Variants in NFAT5 observed in about 807,000 individuals in gnomAD.
NFAT5 encodes the protein nuclear factor of activated T cells 5, also known as nuclear factor of activated T-cells 5.
NFAT5 carries 31 observed loss-of-function variants against 166.5 expected under a neutral mutation model. The observed-to-expected ratio is 0.19, with a 90% CI of 0.14 to 0.25. The LOEUF (loss-of-function observed/expected upper bound fraction) is 0.25. Ranked by LOEUF, NFAT5 falls within the 10% of genes least tolerant of loss-of-function variation. The pLI is 1.00. For synonymous variants in NFAT5, 612 were observed against 639.7 expected, an observed-to-expected ratio of 0.96 and a Z score of 0.65; for missense variants, 1,449 against 1,821.8, an observed-to-expected ratio of 0.80 and a Z score of 3.72.
At chr16:69,589,137 G>A (rs1396586790) in intron 2 of NFAT5, among the ~76,000 whole-genome samples, 1 of 152,020 alleles carries the variant, frequency 6.6e-6, no homozygotes, top group Non-Finnish European at 1.5e-5. Context: ...TGGGATTACA[G>A]GCATGTGCCA....
rs2037584159 is a variant in NFAT5 at position 69,692,434 on chromosome 16, C to T, written c.2609C>T (p.Thr870Ile). The change falls in exon 13 of 15, where the codon ACA becomes ATA. Residue 870 changes from threonine (T) to isoleucine (I), a missense_variant. By Grantham distance (89) the Thr-to-Ile change is moderately conservative. Coordinates refer to ENST00000349945, the MANE Select transcript of NFAT5 (RefSeq NM_138713.4). ...GGAATGTTTTCCTCAACAGAGCCAA[C>T]AGTCCATACCAGACCAGATAATTTA... Reference protein sequence around the residue: ...SPGMFSSTEPTVHTRPDNLLP... With the variant: ...SPGMFSSTEPIVHTRPDNLLP... The T allele has an allele frequency of 6.8e-6, 11 of 1,614,222 alleles. No individual in the cohort carries two copies. Among genetic ancestry groups the T allele is most frequent in the Non-Finnish European group, 8.5e-6 (10 of 1,180,046 alleles).
At chr16:69,666,838 C>T (rs1219861112) in intron 7 of NFAT5, among the ~76,000 whole-genome samples, 7 of 151,876 alleles carry the variant, frequency 4.6e-5, no homozygotes, top group Non-Finnish European at 1.0e-4. Flanking sequence ...ACCCAAAGGA[C>T]TATAAATCAT....
At chr16:69,570,259 T>C (rs996161787) in intron 2 of NFAT5, among the ~76,000 whole-genome samples, 5 of 152,200 alleles carry the variant, frequency 3.3e-5, no homozygotes, top group African/African-American at 4.8e-5. Context: ...AATTCTGTCA[T>C]GCCCTTTAAA....
At chr16:69,660,046 T>C in intron 7 of NFAT5, 147 bp downstream of exon 7, 1 of 654,740 alleles carries the variant, frequency 1.5e-6, no homozygotes, top group Non-Finnish European at 2.5e-6. Flanking sequence ...AGTAGTCAGA[T>C]TTTCTAGACC....
chr16:69,680,967 C>T (rs936107264), intron 10 of NFAT5, among the ~76,000 whole-genome samples: 11 of 152,120 alleles, frequency 7.2e-5, no homozygotes, highest in Non-Finnish European at 2.9e-5. Flanking sequence ...ACCATGTTGG[C>T]CAGGCTGGTC....
At chr16:69,659,581 A>T in intron 6 of NFAT5, 146 bp from the exon 7 acceptor site, 1 of 509,704 alleles carries the variant, frequency 2.0e-6, no homozygotes, top group Non-Finnish European at 3.3e-6. Context: ...ACCCTTTTGT[A>T]CTTTTTGAAC....
intron 11 of NFAT5, chr16:69,685,186 A>AT (rs1217300003): frequency 0.017 from 1,570 of 93,758 alleles, 32 homozygotes; most frequent in African/African-American, 0.064. Context: ...ATATATATAT[A>AT]TATATTTTTT....
At chr16:69,601,201 C>G (rs975097608) in intron 2 of NFAT5, among the ~76,000 whole-genome samples, 11 of 151,836 alleles carry the variant, frequency 7.2e-5, no homozygotes, top group Non-Finnish European at 1.6e-4. Context: ...TAGATATGAC[C>G]ACTGTTAATA....
At chr16:69,569,520 TGGG>T (rs754459551) in intron 2 of NFAT5, among the ~76,000 whole-genome samples, 2 of 152,030 alleles carry the variant, frequency 1.3e-5, no homozygotes, top group Admixed American at 6.6e-5. Context: ...TCCGGGATAG[TGGG>T]GGGCAAGTGG....
chr16:69,600,196 G>A (rs527361700), intron 2 of NFAT5, among the ~76,000 whole-genome samples: 12 of 151,422 alleles, frequency 7.9e-5, no homozygotes, highest in Non-Finnish European at 1.6e-4. Flanking sequence ...GAGAGGAGTA[G>A]ACTAAAGAGA....
At chr16:69,625,872 A>T (rs931428599) in intron 2 of NFAT5, among the ~76,000 whole-genome samples, 44 of 152,118 alleles carry the variant, frequency 2.9e-4, no homozygotes, top group African/African-American at 1.1e-3. Context: ...AACATAAGGA[A>T]TAAAGCCAAG....
At chr16:69,663,691 A>C (rs1351101059) in intron 7 of NFAT5, among the ~76,000 whole-genome samples, 1 of 151,922 alleles carries the variant, frequency 6.6e-6, no homozygotes, top group Admixed American at 6.6e-5. Flanking sequence ...ACAACATAGC[A>C]AGAGTCCATC....
In NFAT5 at chr16:69,695,443, G is replaced by A. The variant is rs55706725; in HGVS notation, c.*8+64G>A. The A allele has an allele frequency of 3.0e-3, 3,443 of 1,152,172 alleles. 17 individuals carry two copies. The highest frequency in any genetic ancestry group is 3.9e-3 in the Non-Finnish European group (3,068 of 778,290). 71.4% of individuals were successfully genotyped at this position (1,152,172 alleles called of 1,614,324 possible). A position where few individuals can be genotyped will look rare whatever the true frequency, so the allele number is the denominator to read the frequency against. On this transcript the variant is annotated intron_variant, in intron 14 of 14. Transcript: ENST00000349945. ...GATTTTATTCTTCTTAACAGATTTA[G>A]GTTAAGTAATAGTAGTTCTAATCTT...
At position 69,585,030 on chromosome 16, in the gene NFAT5, G is replaced by A. The variant is rs34295772; in HGVS notation, c.127+16482G>A. On this transcript the variant is annotated intron_variant, in intron 2 of 14. Coordinates refer to ENST00000349945, the MANE Select transcript of NFAT5 (RefSeq NM_138713.4). ...TTTTTATTTTTTGAGGTGGAGTCTC[G>A]CTCTGTCGCCATGCTGGAGTGCAGT... Among the ~76,000 whole-genome samples the A allele has an allele frequency of 2.3e-3, 342 of 151,950 alleles. 1 individual carries two copies. Among genetic ancestry groups the A allele is most frequent in the Non-Finnish European group, 4.0e-3 (273 of 67,966 alleles).
intron 1 of NFAT5, among the ~76,000 whole-genome samples, chr16:69,567,336 A>G (rs1047092747): frequency 6.6e-6 from 1 of 152,208 alleles, no homozygotes; most frequent in Non-Finnish European, 1.5e-5. Context: ...GGACACCACA[A>G]GAATGTGTCA....
intron 11 of NFAT5, among the ~76,000 whole-genome samples, chr16:69,686,417 T>G (rs933366333): frequency 6.6e-6 from 1 of 151,766 alleles, no homozygotes; most frequent in Non-Finnish European, 1.5e-5. Context: ...TAGCTATTCA[T>G]GAGACTGAGG....
At chr16:69,684,542 A>G (rs2037207974) in intron 10 of NFAT5, among the ~76,000 whole-genome samples, 2 of 151,894 alleles carry the variant, frequency 1.3e-5, no homozygotes, top group Non-Finnish European at 2.9e-5. Flanking sequence ...CCTGGGCAAC[A>G]GAGCGAGACT....
intron 3 of NFAT5, chr16:69,644,727 A>G (rs538517847): frequency 3.1e-5 from 12 of 385,990 alleles, no homozygotes; most frequent in African/African-American, 2.5e-4. Context: ...TATTAAATTC[A>G]TAATACCATA....
chr16:69,568,592 A>T, intron 2 of NFAT5, 44 bp downstream of exon 2: 1 of 1,497,414 alleles, frequency 6.7e-7, no homozygotes. Context: ...TAGTATGCAA[A>T]GGCTTTCTCT....
Sources: allele counts gnomAD v4.1 joint callset (sites outside exome capture counted in the v4.1 genomes callset), GRCh38; gene constraint gnomAD v4.1.1; transcripts MANE v1.5; gene names NCBI Gene and HGNC (gene_info 2026-07-23, HGNC 2026-07-21).